Variants in PSMB2 observed in about 807,000 individuals in gnomAD.
PSMB2 encodes proteasome 20S subunit beta 2.
In PSMB2, 13 loss-of-function variants were observed where a neutral mutation model predicts 25.7. That is an observed-to-expected ratio of 0.51 (90% CI 0.33 to 0.80). The LOEUF (loss-of-function observed/expected upper bound fraction) is 0.80, where lower values mean the gene tolerates loss of function less well. PSMB2 is among the 30% of genes least tolerant of loss of function. The pLI is 0.02. For missense variants in PSMB2, 202 were observed against 259.0 expected, an observed-to-expected ratio of 0.78 and a Z score of 1.51; for synonymous variants, 87 against 96.2, an observed-to-expected ratio of 0.90 and a Z score of 0.56.
intron 5 of PSMB2, 51 bp downstream of exon 5, chr1:35,605,182 G>A: frequency 6.5e-7 from 1 of 1,542,900 alleles, no homozygotes; most frequent in South Asian, 1.2e-5. Context: ...GAACAACACT[G>A]GCAAACAGAG....
chr1:35,633,897 T>C (rs1651172967), intron 2 of PSMB2, among the ~76,000 whole-genome samples: 1 of 152,384 alleles, frequency 6.6e-6, no homozygotes, highest in Middle Eastern at 3.4e-3. Context: ...ATTTTACACA[T>C]GCAAGTATAT....
intron 3 of PSMB2, among the ~76,000 whole-genome samples, chr1:35,631,057 C>T (rs546651425): frequency 1.3e-5 from 2 of 152,134 alleles, no homozygotes; most frequent in East Asian, 3.9e-4. Context: ...TTGGTGTGTC[C>T]CAACCAATTC....
Position 35,613,681 on chromosome 1 carries a change from G to A in PSMB2, c.286-4273C>T, listed in dbSNP as rs912447477. Among the ~76,000 whole-genome samples the A allele has an allele frequency of 2.0e-5, 3 of 152,044 alleles. No individual in the cohort carries two copies. In the East Asian group the frequency reaches 5.8e-4, roughly 29 times the overall value. On this transcript the variant is annotated intron_variant, in intron 3 of 5. Transcript: ENST00000373237. ...TCTTTCTACCTCCCTCTAGACACAG[G>A]GTGCTAAGTAAAGAAAAGCTTAGGA...
At chr1:35,610,863 A>C (rs746025218) in intron 3 of PSMB2, among the ~76,000 whole-genome samples, 5 of 152,266 alleles carry the variant, frequency 3.3e-5, no homozygotes, top group Non-Finnish European at 7.3e-5. Flanking sequence ...AATAAAAAGC[A>C]ACAAAAAATA....
At chr1:35,618,601 G>A (rs980784104) in intron 3 of PSMB2, among the ~76,000 whole-genome samples, 23 of 152,244 alleles carry the variant, frequency 1.5e-4, no homozygotes, top group African/African-American at 5.5e-4. Flanking sequence ...GAACTGAAGA[G>A]CGAGCCACGT....
At chr1:35,611,838 GGAGAGA>G (rs144144116) in intron 3 of PSMB2, among the ~76,000 whole-genome samples, 1 of 148,664 alleles carries the variant, frequency 6.7e-6, no homozygotes, top group Non-Finnish European at 1.5e-5. Context: ...AAAAAAAAAA[GGAGAGA>G]GAGAGAGAGA....
rs1649987352 is a variant in PSMB2 at position 35,601,218 on chromosome 1, C to T, written c.*2049G>A. The T allele has an allele frequency of 1.8e-6, 1 of 547,162 alleles. No homozygotes were observed. The highest frequency in any genetic ancestry group is 2.1e-5 in the African/African-American group (1 of 48,572). 33.9% of individuals were successfully genotyped at this position (547,162 alleles called of 1,614,324 possible). A position where few individuals can be genotyped will look rare whatever the true frequency, so the allele number is the denominator to read the frequency against. Reference sequence around the variant, plus strand: ...AGTAGTTGGGTTTACAGGCGTGTGCCACCACGCCTGGCTAATTGTTATATA... The same window carrying T: ...AGTAGTTGGGTTTACAGGCGTGTGCTACCACGCCTGGCTAATTGTTATATA... On this transcript the variant is annotated 3_prime_UTR_variant, in exon 6 of 6. Transcript: ENST00000373237.
chr1:35,602,020 A>G lies in PSMB2; in HGVS notation c.*1247T>C, dbSNP rs1041484503. 150 of 763,872 alleles carry G rather than the reference A, an allele frequency of 2.0e-4. No individual in the cohort carries two copies. The highest frequency in any genetic ancestry group is 2.4e-4 in the Non-Finnish European group (150 of 628,300). The allele number at this position is 763,872 out of a possible 1,614,324, so 47.3% of individuals were successfully genotyped here. On this transcript the variant is annotated 3_prime_UTR_variant, in exon 6 of 6. Coordinates refer to ENST00000373237, the MANE Select transcript of PSMB2 (RefSeq NM_002794.5). ...TCTCTAATATAGTGTTAAGTGAAATAAGCAATATGCAGAACTTAAAAATAC... is the reference window on the plus strand; with the variant it reads ...TCTCTAATATAGTGTTAAGTGAAATGAGCAATATGCAGAACTTAAAAATAC...
At chr1:35,630,530 C>T (rs1651059553) in intron 3 of PSMB2, among the ~76,000 whole-genome samples, 2 of 152,086 alleles carry the variant, frequency 1.3e-5, no homozygotes, top group South Asian at 2.1e-4. Flanking sequence ...GCTATCAAGC[C>T]ATGAAAAGAC....
Position 35,603,129 on chromosome 1 carries a change from C to T in PSMB2, c.*138G>A. On this transcript the variant is annotated 3_prime_UTR_variant, in exon 6 of 6. Transcript: ENST00000373237. ...AATATTAGGTAAACTGAGACCTGGA[C>T]CAGAGGGCTCAATTATATCCATAGT... is the stretch of plus-strand genomic sequence containing the variant. 3 of 1,434,770 alleles carry T rather than the reference C, an allele frequency of 2.1e-6. No individual in the cohort carries two copies. Among genetic ancestry groups the T allele is most frequent in the Non-Finnish European group, 2.7e-6 (3 of 1,094,526 alleles). 88.9% of individuals were successfully genotyped at this position (1,434,770 alleles called of 1,614,324 possible).
chr1:35,628,295 C>T (rs1454487840), intron 3 of PSMB2, among the ~76,000 whole-genome samples: 7 of 152,024 alleles, frequency 4.6e-5, no homozygotes, highest in African/African-American at 1.7e-4. Context: ...ACCAGATTCA[C>T]TGCATTTGCA....
Position 35,602,741 on chromosome 1 carries a change from C to T in PSMB2, c.*526G>A, listed in dbSNP as rs772927762. On this transcript the variant is annotated 3_prime_UTR_variant, in exon 6 of 6. Transcript: ENST00000373237. Reference sequence around the variant, plus strand: ...TCGCTCTCTTGACCTCGTGATCCGCCCGCCTCGGCCTCCCAAAGTGCTGGG... The same window carrying T: ...TCGCTCTCTTGACCTCGTGATCCGCTCGCCTCGGCCTCCCAAAGTGCTGGG... 1 of 260,842 alleles carries T rather than the reference C, an allele frequency of 3.8e-6. No homozygotes were observed. The highest frequency in any genetic ancestry group is 6.0e-6 in the Non-Finnish European group (1 of 167,418). The allele number at this position is 260,842 out of a possible 1,614,324, so 16.2% of individuals were successfully genotyped here.
At chr1:35,631,158 G>C (rs895727732) in intron 3 of PSMB2, 116 bp downstream of exon 3, 2 of 893,124 alleles carry the variant, frequency 2.2e-6, no homozygotes, top group African/African-American at 1.7e-5. Context: ...AGTAGCAACA[G>C]GAGGGGTTCT....
rs778251321 is a variant in PSMB2 at position 35,600,397 on chromosome 1, T to C, written c.*2870A>G. 147 of 808,396 alleles carry C rather than the reference T, an allele frequency of 1.8e-4. No homozygotes were observed. Among genetic ancestry groups the C allele is most frequent in the Admixed American group, 3.1e-4 (5 of 16,072 alleles). 50.1% of individuals were successfully genotyped at this position (808,396 alleles called of 1,614,324 possible). The stretch of plus-strand genomic sequence containing the variant: ...GTTGGTTTCTCAGTTTTGACAAACA[T>C]ACTGTGGTATATAGAAGATGTTAAC... On this transcript the variant is annotated 3_prime_UTR_variant, in exon 6 of 6. Coordinates refer to ENST00000373237, the MANE Select transcript of PSMB2 (RefSeq NM_002794.5).
chr1:35,610,277 A>G (rs1187365777), intron 3 of PSMB2, among the ~76,000 whole-genome samples: 1 of 152,110 alleles, frequency 6.6e-6, no homozygotes, highest in Non-Finnish European at 1.5e-5. Flanking sequence ...GGTTTCTACA[A>G]AAAAACTAAA....
intron 3 of PSMB2, among the ~76,000 whole-genome samples, chr1:35,609,728 G>C (rs908497177): frequency 6.6e-6 from 1 of 152,190 alleles, no homozygotes; most frequent in Non-Finnish European, 1.5e-5. Context: ...TAGCAAAACA[G>C]AGTGACTATA....
chr1:35,603,187 G>A lies in PSMB2; in HGVS notation c.*80C>T. The stretch of plus-strand genomic sequence containing the variant: ...ATTCTGAATTAACCATTTATCAAGA[G>A]TGCGCCTGAAAAGAGTAGAAAAAAA... On this transcript the variant is annotated 3_prime_UTR_variant, in exon 6 of 6. Coordinates refer to ENST00000373237, the MANE Select transcript of PSMB2 (RefSeq NM_002794.5). The A allele has an allele frequency of 6.5e-7, 1 of 1,544,492 alleles. No individual in the cohort carries two copies.
At chr1:35,632,116 T>C (rs935935928) in intron 2 of PSMB2, among the ~76,000 whole-genome samples, 42 of 152,348 alleles carry the variant, frequency 2.8e-4, no homozygotes, top group Non-Finnish European at 4.0e-4. Flanking sequence ...ATATTTTAAA[T>C]GTTACTTTAT....
intron 3 of PSMB2, among the ~76,000 whole-genome samples, chr1:35,630,550 C>T (rs1651059840): frequency 6.6e-6 from 1 of 152,092 alleles, no homozygotes; most frequent in Admixed American, 6.6e-5. Flanking sequence ...CATAGGGTAA[C>T]CTTAAACGTG....
Sources: allele counts gnomAD v4.1 joint callset (sites outside exome capture counted in the v4.1 genomes callset), GRCh38; gene constraint gnomAD v4.1.1; transcripts MANE v1.5; gene names NCBI Gene and HGNC (gene_info 2026-07-23, HGNC 2026-07-21).